The following GRAMD4 variants were observed in gnomAD, a reference collection of about 807,000 sequenced individuals.
GRAMD4 encodes GRAM domain containing 4.
Under a neutral mutation model 83.9 loss-of-function variants are expected in GRAMD4, and 25 were observed. The ratio of observed to expected loss-of-function variants is 0.30; its 90% CI spans 0.22 to 0.42. The LOEUF (loss-of-function observed/expected upper bound fraction) is 0.42. Among genes scored for constraint, GRAMD4 ranks in the 10% least tolerant of loss-of-function variants. The pLI, the probability that GRAMD4 is intolerant of heterozygous loss-of-function variation, is 1.00. For synonymous variants in GRAMD4, 336 were observed against 320.9 expected, an observed-to-expected ratio of 1.05 and a Z score of -0.50; for missense variants, 593 against 788.7, an observed-to-expected ratio of 0.75 and a Z score of 2.97.
At chr22:46,645,238 G>A (rs891688314) in intron 3 of GRAMD4, among the ~76,000 whole-genome samples, 4 of 152,040 alleles carry the variant, frequency 2.6e-5, no homozygotes, top group Admixed American at 6.6e-5. Flanking sequence ...GTTGGAGTTC[G>A]CCCAGCAGAA....
At position 46,679,021 on chromosome 22, in the gene GRAMD4, A is replaced by C; in HGVS notation, c.*1770A>C. The C allele has an allele frequency of 1.0e-6, 1 of 985,642 alleles. No homozygotes were observed. Among genetic ancestry groups the C allele is most frequent in the Non-Finnish European group, 1.2e-6 (1 of 829,950 alleles). The allele number at this position is 985,642 out of a possible 1,614,324, so 61.1% of individuals were successfully genotyped here. A position where few individuals can be genotyped will look rare whatever the true frequency, so the allele number is the denominator to read the frequency against. ...TGTAGGGGACTGGCTCTCTTGGTGC[A>C]CCAGGGGAGGGGGACATATCCCAGT... On this transcript the variant is annotated 3_prime_UTR_variant, in exon 19 of 19. Transcript: ENST00000406902.
intron 12 of GRAMD4, 24 bp downstream of exon 12, chr22:46,668,756 C>T (rs900037383): frequency 1.0e-6 from 1 of 979,344 alleles, no homozygotes; most frequent in African/African-American, 1.8e-5. Flanking sequence ...CCCACCCCGG[C>T]CCTGCGGCGC....
intron 4 of GRAMD4, among the ~76,000 whole-genome samples, chr22:46,658,514 G>A (rs925083094): frequency 6.6e-6 from 1 of 152,146 alleles, no homozygotes; most frequent in Non-Finnish European, 1.5e-5. Context: ...TTGGGAATGT[G>A]TCATCTTCCT....
chr22:46,643,157 A>C (rs1374779186), intron 3 of GRAMD4, among the ~76,000 whole-genome samples: 3 of 148,458 alleles, frequency 2.0e-5, no homozygotes, highest in East Asian at 2.0e-4. Flanking sequence ...CCATCCATCC[A>C]TCCATCCATC....
intron 2 of GRAMD4, among the ~76,000 whole-genome samples, chr22:46,632,576 G>C (rs1449457571): frequency 6.6e-6 from 1 of 152,128 alleles, no homozygotes; most frequent in Non-Finnish European, 1.5e-5. Flanking sequence ...TCTGAGAAGG[G>C]GTCAGCTGGA....
In GRAMD4 at chr22:46,674,653, T is replaced by C; in HGVS notation, c.1385-4T>C. 6.3e-7 allele frequency: 1 copy of C among 1,593,138 alleles called. No individual in the cohort carries two copies. Among genetic ancestry groups the C allele is most frequent in the South Asian group, 1.1e-5 (1 of 90,704 alleles). The stretch of plus-strand genomic sequence containing the variant: ...AGTGTGACAGGCGGGCCTTCTCCCA[T>C]TAGTGTGCGAGAATGGCTGGCGCTG... On this transcript the variant is annotated splice_polypyrimidine_tract_variant and splice_region_variant and intron_variant, in intron 15 of 18. Coordinates refer to ENST00000406902, the MANE Select transcript of GRAMD4 (RefSeq NM_015124.5).
rs1048721242 is a variant in GRAMD4, at chr22:46,621,777, G to A, written c.-50+1212G>A. 2.0e-5 allele frequency among the ~76,000 whole-genome samples: 3 copies of A among 152,210 alleles called. No individual in the cohort carries two copies. The highest frequency in any genetic ancestry group is 4.4e-5 in the Non-Finnish European group (3 of 68,026). On this transcript the variant is annotated intron_variant, in intron 1 of 18. Transcript: ENST00000406902. The surrounding 1 kb of genome is among the most constrained non-coding windows in gnomAD (Gnocchi z 5.8). ...CAGGCGCAGGCTGGAAGTGTAGCCC[G>A]GGCCCATCCCTGGTGGTGAAGGCTG...
At chr22:46,642,464 T>C (rs2081987060) in intron 3 of GRAMD4, among the ~76,000 whole-genome samples, 1 of 152,262 alleles carries the variant, frequency 6.6e-6, no homozygotes, top group South Asian at 2.1e-4. Flanking sequence ...GTATCTTTGT[T>C]TTGCTGAAAT....
chr22:46,617,331 C>T (rs1320567599), upstream of GRAMD4, among the ~76,000 whole-genome samples: 2 of 147,446 alleles, frequency 1.4e-5, no homozygotes, highest in Non-Finnish European at 3.0e-5. Context: ...TTCCCCTAAG[C>T]ATGTAGGTTC....
rs1423895679 is a variant in GRAMD4, at chr22:46,679,656, G to C, written c.*2405G>C. ...GTGACTTTTGTTCAACAAAAGGATTGTACTGTATTAAGAACCGATGAAAAA... is the reference window on the plus strand; with the variant it reads ...GTGACTTTTGTTCAACAAAAGGATTCTACTGTATTAAGAACCGATGAAAAA... On this transcript the variant is annotated 3_prime_UTR_variant, in exon 19 of 19. Transcript: ENST00000406902. The C allele has an allele frequency of 1.0e-6, 1 of 982,720 alleles. No individual in the cohort carries two copies. The highest frequency in any genetic ancestry group is 6.2e-5 in the Admixed American group (1 of 16,260). The allele number at this position is 982,720 out of a possible 1,614,324, so 60.9% of individuals were successfully genotyped here.
chr22:46,621,042 G>A lies in GRAMD4; in HGVS notation c.-50+477G>A, dbSNP rs2081566484. The stretch of plus-strand genomic sequence containing the variant: ...TGGTCCTGGGGAGAGCGGCTGGGCT[G>A]CAGGCTGAGGAGCTGGGCTTCCTCC... On this transcript the variant is annotated intron_variant, in intron 1 of 18. Transcript: ENST00000406902. This position sits in a 1 kb window ranked among gnomAD's most constrained non-coding sequence, Gnocchi z 5.8. Among the ~76,000 whole-genome samples, 1 of 151,918 alleles carries A rather than the reference G, an allele frequency of 6.6e-6. No individual in the cohort carries two copies. Among genetic ancestry groups the A allele is most frequent in the South Asian group, 2.1e-4 (1 of 4,810 alleles).
chr22:46,600,830 A>G (rs1446518258), intron 1 of GRAMD4, among the ~76,000 whole-genome samples: 1 of 152,250 alleles, frequency 6.6e-6, no homozygotes, highest in Admixed American at 6.5e-5. Context: ...AACATAAATA[A>G]CATGTCTTTC....
chr22:46,658,160 G>A, intron 3 of GRAMD4, 27 bp from the exon 4 acceptor site: 1 of 1,613,156 alleles, frequency 6.2e-7, no homozygotes, highest in Non-Finnish European at 8.5e-7. Flanking sequence ...ATGAGCGATG[G>A]TCACCTGGCC....
rs550828442 is a variant in GRAMD4 at position 46,614,395 on chromosome 22, G to A, written c.-49-12356G>A. ...TAAAAATTGTGTGAGGTCTGTAGCC[G>A]TTCATTACGAATGGCGTAAAAGCCT... On this transcript the variant is annotated intron_variant, in intron 1 of 1. Transcript: ENST00000431155. Among the ~76,000 whole-genome samples the A allele has an allele frequency of 1.2e-4, 18 of 152,360 alleles. No homozygotes were observed. In the South Asian group the frequency reaches 3.1e-3, roughly 26 times the overall value.
rs1019317456 is a variant in GRAMD4 at position 46,622,847 on chromosome 22, T to G, written c.-50+2282T>G. 4.7e-5 allele frequency among the ~76,000 whole-genome samples: 7 copies of G among 148,924 alleles called. No individual in the cohort carries two copies. The highest frequency in any genetic ancestry group is 2.1e-4 in the South Asian group (1 of 4,706). On this transcript the variant is annotated intron_variant, in intron 1 of 18. Transcript: ENST00000406902. The surrounding 1 kb of genome is among the most constrained non-coding windows in gnomAD (Gnocchi z 4.0). ...GAATGGCGTGAACCCAGGAGGCGGA[T>G]CTTGCAGTGAGCCGAGATCACGCCA...
intron 1 of GRAMD4, among the ~76,000 whole-genome samples, chr22:46,585,849 T>C (rs1450531638): frequency 6.6e-6 from 1 of 152,154 alleles, no homozygotes; most frequent in Admixed American, 6.5e-5. Context: ...GAGACCGGCC[T>C]CTCAGGTCAG....
intron 15 of GRAMD4, 65 bp downstream of exon 15, chr22:46,673,879 G>C: frequency 1.9e-6 from 3 of 1,566,938 alleles, no homozygotes; most frequent in East Asian, 4.5e-5. Context: ...CGTGAGGGGG[G>C]CGCTGTGGAT....
intron 1 of GRAMD4, chr22:46,588,001 C>G (rs28432810): frequency 1.1e-6 from 1 of 949,728 alleles, no homozygotes; most frequent in African/African-American, 1.8e-5. Flanking sequence ...GGGGCACAGG[C>G]GGGGAGGGAG....
At chr22:46,635,778 G>GAA (rs2081875758) in intron 2 of GRAMD4, among the ~76,000 whole-genome samples, 2 of 61,628 alleles carry the variant, frequency 3.2e-5, no homozygotes, top group Non-Finnish European at 3.9e-5. Flanking sequence ...GTCCTAGGTG[G>GAA]CCGTGTCCTC....
Sources: gnomAD v4.1 joint callset for allele counts (sites outside exome capture counted in the v4.1 genomes callset) on GRCh38, gnomAD v4.1.1 for gene constraint, Gnocchi (gnomAD v3.1) non-coding constraint, MANE v1.5 for transcripts, NCBI Gene and HGNC (gene_info 2026-07-23, HGNC 2026-07-21) for gene names.